Variants in SCD5 observed in about 807,000 individuals in gnomAD.
SCD5 encodes acyl-CoA-desaturase 4.
In SCD5, 20 loss-of-function variants were observed where a neutral mutation model predicts 30.4. That is an observed-to-expected ratio of 0.66 (90% CI 0.46 to 0.96). SCD5 has a LOEUF of 0.96. Among genes scored for constraint, SCD5 ranks in the 40% least tolerant of loss-of-function variants. The probability of loss-of-function intolerance (pLI) is 0.00; values close to 1 mark genes in which losing one functional copy is unlikely to be tolerated. For synonymous variants in SCD5, 173 were observed against 176.4 expected, an observed-to-expected ratio of 0.98 and a Z score of 0.16; for missense variants, 381 against 443.3, an observed-to-expected ratio of 0.86 and a Z score of 1.26.
chr4:82,652,110 T>C (rs920792817), intron 3 of SCD5, among the ~76,000 whole-genome samples: 1 of 152,078 alleles, frequency 6.6e-6, no homozygotes, highest in African/African-American at 2.4e-5. Flanking sequence ...GGAGTGAGGA[T>C]CTAAGCCAAA....
At chr4:82,754,198 G>A (rs1452221688) in intron 1 of SCD5, among the ~76,000 whole-genome samples, 1 of 152,182 alleles carries the variant, frequency 6.6e-6, no homozygotes, top group South Asian at 2.1e-4. Flanking sequence ...ACAGTGCAGG[G>A]AGAGAAAGCG....
intron 1 of SCD5, among the ~76,000 whole-genome samples, chr4:82,712,245 T>TAC (rs1720107970): frequency 2.1e-4 from 1 of 4,688 alleles, no homozygotes; most frequent in Non-Finnish European, 4.5e-4. Context: ...CCAACTAACA[T>TAC]ATATATATAT....
At chr4:82,646,909 G>C (rs991151097) in intron 3 of SCD5, among the ~76,000 whole-genome samples, 7 of 151,752 alleles carry the variant, frequency 4.6e-5, no homozygotes, top group Non-Finnish European at 1.0e-4. Flanking sequence ...TGCAACCTCC[G>C]CTTCCTGGGT....
chr4:82,780,552 C>T (rs1418373427), intron 1 of SCD5, among the ~76,000 whole-genome samples: 1 of 152,238 alleles, frequency 6.6e-6, no homozygotes, highest in Non-Finnish European at 1.5e-5. Flanking sequence ...AGGGCTCCCT[C>T]ACTGCTCTCA....
At chr4:82,634,417 CA>C (rs1206409646) in intron 4 of SCD5, among the ~76,000 whole-genome samples, 3 of 152,174 alleles carry the variant, frequency 2.0e-5, no homozygotes, top group African/African-American at 7.2e-5. Context: ...ACGAGTACCT[CA>C]AGATGGATCC....
chr4:82,789,325 G>A (rs999924187), intron 1 of SCD5, among the ~76,000 whole-genome samples: 17 of 152,332 alleles, frequency 1.1e-4, no homozygotes, highest in Middle Eastern at 3.4e-3. Context: ...AAGGGTAGGA[G>A]GGGAAGCAAA....
At position 82,680,817 on chromosome 4, in the gene SCD5, G is replaced by A. The variant is rs565965510; in HGVS notation, c.459C>T (p.Phe153=). 9 of 1,613,746 alleles carry A rather than the reference G, an allele frequency of 5.6e-6. 1 individual carries two copies. The South Asian group carries it at 8.8e-5, about 16-fold the overall frequency. The change falls in exon 3 of 5, where the codon TTC becomes TTT. Residue 153 remains phenylalanine (F), a synonymous_variant. Coordinates refer to ENST00000319540, the MANE Select transcript of SCD5 (RefSeq NM_001037582.3). ...DPHNARRGFF[F]SHIGWLFVRK... is the part of the protein sequence containing the mutation. The stretch of plus-strand genomic sequence containing the variant: ...GAACAAACAGCCACCCAATATGGGA[G>A]AAGAAGAAGCCCCGGCGGGCATTGT...
intron 2 of SCD5, among the ~76,000 whole-genome samples, chr4:82,703,605 CA>C (rs1334419128): frequency 7.9e-5 from 12 of 152,060 alleles, no homozygotes; most frequent in African/African-American, 2.9e-4. Flanking sequence ...TTTAAAATCA[CA>C]GTCTAATATT....
chr4:82,725,553 T>C (rs1578039624), intron 1 of SCD5, among the ~76,000 whole-genome samples: 1 of 128,380 alleles, frequency 7.8e-6, no homozygotes, highest in Admixed American at 8.2e-5. Context: ...TTCTAAAACG[T>C]GATTCCTTTA....
At chr4:82,764,523 T>C (rs1456095102) in intron 1 of SCD5, among the ~76,000 whole-genome samples, 5 of 152,218 alleles carry the variant, frequency 3.3e-5, no homozygotes, top group Admixed American at 3.3e-4. Flanking sequence ...TTAGGGTTCA[T>C]AGTATGTATC....
chr4:82,661,078 C>T (rs1430176385), intron 3 of SCD5: 3 of 1,612,646 alleles, frequency 1.9e-6, no homozygotes, highest in Non-Finnish European at 2.5e-6. Flanking sequence ...GTGCTGTGTA[C>T]TGATAAAAAA....
intron 1 of SCD5, among the ~76,000 whole-genome samples, chr4:82,729,197 G>A (rs972408488): frequency 1.3e-5 from 2 of 152,176 alleles, no homozygotes; most frequent in African/African-American, 4.8e-5. Context: ...AGGGTTTGTG[G>A]TAAACTACAA....
At chr4:82,738,224 A>T (rs1273211790) in intron 1 of SCD5, among the ~76,000 whole-genome samples, 2 of 152,162 alleles carry the variant, frequency 1.3e-5, no homozygotes, top group Non-Finnish European at 2.9e-5. Flanking sequence ...ACGGAGACTG[A>T]CCATCCTGGC....
intron 3 of SCD5, among the ~76,000 whole-genome samples, chr4:82,657,498 G>A (rs1056136181): frequency 1.5e-4 from 23 of 152,184 alleles, no homozygotes; most frequent in Admixed American, 3.9e-4. Flanking sequence ...TTCAGTTACT[G>A]TAGCCTGGTA....
At chr4:82,745,751 A>T (rs990059297) in intron 1 of SCD5, among the ~76,000 whole-genome samples, 1 of 152,202 alleles carries the variant, frequency 6.6e-6, no homozygotes, top group African/African-American at 2.4e-5. Context: ...TACCATTTTT[A>T]AAATTAAAAG....
At chr4:82,795,399 G>C (rs777453515) in intron 1 of SCD5, among the ~76,000 whole-genome samples, 1 of 152,198 alleles carries the variant, frequency 6.6e-6, no homozygotes, top group Non-Finnish European at 1.5e-5. Context: ...GAAATTTGTG[G>C]ATCAAGGCAC....
At chr4:82,748,635 C>T (rs1721041961) in intron 1 of SCD5, among the ~76,000 whole-genome samples, 1 of 152,166 alleles carries the variant, frequency 6.6e-6, no homozygotes, top group Non-Finnish European at 1.5e-5. Flanking sequence ...CTTAAGTCTG[C>T]AGATGGTTAC....
intron 3 of SCD5, among the ~76,000 whole-genome samples, chr4:82,649,202 T>C (rs1727694716): frequency 6.6e-6 from 1 of 151,540 alleles, no homozygotes; most frequent in Non-Finnish European, 1.5e-5. Context: ...TGTGTGTGTG[T>C]GTGTGTGTGT....
At chr4:82,797,704 G>A in intron 1 of SCD5, among the ~76,000 whole-genome samples, 1 of 152,182 alleles carries the variant, frequency 6.6e-6, no homozygotes, top group Non-Finnish European at 1.5e-5. Context: ...GGGCATAGAA[G>A]ATTGCGGAGG....
Sources: gnomAD v4.1 joint callset for allele counts (sites outside exome capture counted in the v4.1 genomes callset) on GRCh38, gnomAD v4.1.1 for gene constraint, MANE v1.5 for transcripts, NCBI Gene and HGNC (gene_info 2026-07-23, HGNC 2026-07-21) for gene names.